The following TAF1 variants were observed in gnomAD, a reference collection of about 807,000 sequenced individuals.
TAF1 encodes TATA-box binding protein associated factor 1.
Under a neutral mutation model 138.5 loss-of-function variants are expected in TAF1, and 2 were observed. That is an observed-to-expected ratio of 0.01 (90% CI 0.01 to 0.05). TAF1 has a LOEUF of 0.05. Among genes scored for constraint, TAF1 ranks in the 10% least tolerant of loss-of-function variants. The pLI, the probability that TAF1 is intolerant of heterozygous loss-of-function variation, is 1.00. For missense variants in TAF1, 709 were observed against 1,478.0 expected, an observed-to-expected ratio of 0.48 and a Z score of 8.53; for synonymous variants, 437 against 503.2, an observed-to-expected ratio of 0.87 and a Z score of 1.76.
At chrX:71,381,379 C>G (rs2033881806) in intron 8 of TAF1, among the ~76,000 whole-genome samples, 1 of 112,082 alleles carries the variant, frequency 8.9e-6, no homozygotes, top group East Asian at 2.8e-4. Flanking sequence ...ATTCTCCTGC[C>G]TCAGCCTCCT....
intron 13 of TAF1, among the ~76,000 whole-genome samples, chrX:71,495,118 G>A (rs1730672176): frequency 8.9e-6 from 1 of 111,915 alleles, no homozygotes; most frequent in African/African-American, 3.2e-5. Flanking sequence ...CCCAACTGCT[G>A]TTGGGAATTG....
rs1262532027 is a variant in TAF1, at chrX:71,464,531, C to T, written c.*485C>T. On this transcript the variant is annotated 3_prime_UTR_variant, in exon 38 of 38. Transcript: ENST00000423759. ...ACCAGCTTGGCCAACATGGCGAAAC[C>T]GCATCTCTACTAAAAATACAAAAAT... is the stretch of plus-strand genomic sequence containing the variant. 3 of 266,178 alleles carry T rather than the reference C, an allele frequency of 1.1e-5. No homozygotes were observed. The highest frequency in any genetic ancestry group is 5.5e-5 in the East Asian group (1 of 18,172). The allele number at this position is 266,178 out of a possible 1,213,427, so 21.9% of individuals were successfully genotyped here.
intron 13 of TAF1, among the ~76,000 whole-genome samples, chrX:71,506,067 G>A (rs1238842038): frequency 9.5e-6 from 1 of 105,284 alleles, no homozygotes; most frequent in Non-Finnish European, 2.0e-5. Context: ...AAGCATGGTG[G>A]TGTGTGCCTG....
intron 32 of TAF1, among the ~76,000 whole-genome samples, chrX:71,448,447 A>G (rs1360239598): frequency 3.6e-5 from 4 of 112,202 alleles, no homozygotes; most frequent in African/African-American, 1.3e-4. Context: ...TCAAAAATGT[A>G]TATTACATAC....
intron 2 of TAF1, 31 bp from the exon 3 acceptor site, chrX:71,368,023 G>A (rs769291782): frequency 1.7e-6 from 2 of 1,181,606 alleles, no homozygotes; most frequent in African/African-American, 3.5e-5. Flanking sequence ...GTCGCTTACT[G>A]TTGTTGCGAT....
At chrX:71,388,709 C>T (rs371071888) in intron 16 of TAF1, 29 bp from the exon 17 acceptor site, 4 of 1,209,246 alleles carry the variant, frequency 3.3e-6, no homozygotes, top group African/African-American at 1.7e-5. Flanking sequence ...TCAGAATGGT[C>T]TCATTCTCTA....
At position 71,463,813 on chromosome X, in the gene TAF1, T is replaced by A. The variant is rs1447416407; in HGVS notation, c.5400-11T>A. Reference sequence around the variant, plus strand: ...GTCCGAGCTTGAGAGATGACATGTTTCTCTTCTCAGTTATGGGAGCTATGA... The same window carrying A: ...GTCCGAGCTTGAGAGATGACATGTTACTCTTCTCAGTTATGGGAGCTATGA... On this transcript the variant is annotated splice_polypyrimidine_tract_variant and intron_variant, in intron 37 of 37. Transcript: ENST00000423759. 1 of 1,205,587 alleles carries A rather than the reference T, an allele frequency of 8.3e-7. No individual in the cohort carries two copies. The highest frequency in any genetic ancestry group is 1.8e-5 in the African/African-American group (1 of 57,018).
rs187708110 is a variant in TAF1 at position 71,400,676 on chromosome X, A to C, written c.3787-852A>C. ...ATAGGTCTGTGACCTTAACCTCTCC[A>C]AACTTGTTTTCTCTAATATCAAATG... On this transcript the variant is annotated intron_variant, in intron 24 of 37. Transcript: ENST00000423759. Among the ~76,000 whole-genome samples, 353 of 111,980 alleles carry C rather than the reference A, an allele frequency of 3.2e-3. 1 individual carries two copies. The highest frequency in any genetic ancestry group is 5.0e-3 in the Non-Finnish European group (264 of 53,214).
At chrX:71,413,784 C>T (rs373634589) in intron 28 of TAF1, 2 of 111,316 alleles carry the variant, frequency 1.8e-5, no homozygotes, top group South Asian at 7.5e-4. Context: ...TCTTCACTTC[C>T]CCATACTCAT....
chrX:71,528,244 T>G (rs1602125110), intron 13 of TAF1: 1 of 241,057 alleles, frequency 4.1e-6, no homozygotes, highest in East Asian at 1.2e-4. Flanking sequence ...TGCCTGTCAG[T>G]GTATGATTGC....
intron 22 of TAF1, among the ~76,000 whole-genome samples, chrX:71,397,028 CAAAAAAAA>C (rs745812030): frequency 0.033 from 992 of 30,167 alleles, 19 homozygotes; most frequent in African/African-American, 0.11. Context: ...GATCCTGTCT[CAAAAAAAA>C]AAAAAAAAAA....
intron 21 of TAF1, 113 bp downstream of exon 21, chrX:71,393,589 A>T: frequency 1.0e-6 from 1 of 954,044 alleles, no homozygotes; most frequent in Non-Finnish European, 1.4e-6. Context: ...AGGTAGTCAG[A>T]TATCTGACAT....
At chrX:71,472,717 T>C (rs1218012731) in intron 13 of TAF1, among the ~76,000 whole-genome samples, 4 of 111,452 alleles carry the variant, frequency 3.6e-5, no homozygotes, top group Non-Finnish European at 7.5e-5. Context: ...TGGGCGACAG[T>C]GAGACTGCAT....
At chrX:71,479,984 G>A (rs994930484) in intron 13 of TAF1, among the ~76,000 whole-genome samples, 3 of 111,645 alleles carry the variant, frequency 2.7e-5, no homozygotes, top group African/African-American at 9.8e-5. Flanking sequence ...CAGCACTTTG[G>A]GAGGCCCAGG....
At chrX:71,454,982 C>T in intron 34 of TAF1, 125 bp downstream of exon 34, 6 of 1,168,461 alleles carry the variant, frequency 5.1e-6, no homozygotes, top group Non-Finnish European at 6.9e-6. Context: ...ATATGCCTTT[C>T]GTGTGCTTTC....
At chrX:71,444,723 T>C (rs915318756) in intron 32 of TAF1, among the ~76,000 whole-genome samples, 10 of 110,169 alleles carry the variant, frequency 9.1e-5, no homozygotes, top group Non-Finnish European at 7.6e-5. Context: ...TCCCCAGGTG[T>C]GGCCAGTGTT....
At chrX:71,427,625 C>A (rs1056621152) in intron 32 of TAF1, among the ~76,000 whole-genome samples, 1 of 111,758 alleles carries the variant, frequency 8.9e-6, no homozygotes, top group Non-Finnish European at 1.9e-5. Context: ...AATAAATATT[C>A]TGTTGCACTA....
At chrX:71,494,793 T>A (rs1602844618) in intron 13 of TAF1, among the ~76,000 whole-genome samples, 2 of 112,211 alleles carry the variant, frequency 1.8e-5, no homozygotes, top group South Asian at 7.3e-4. Context: ...CAAGATTTAT[T>A]GTGAAGAGTG....
chrX:71,402,532 C>T (rs1438280252), intron 25 of TAF1, among the ~76,000 whole-genome samples: 1 of 112,293 alleles, frequency 8.9e-6, no homozygotes, highest in East Asian at 2.8e-4. Flanking sequence ...AGCCATCACT[C>T]CCGGCCTCGT....
Sources: gnomAD v4.1 joint callset for allele counts (sites outside exome capture counted in the v4.1 genomes callset) on GRCh38, gnomAD v4.1.1 for gene constraint, MANE v1.5 for transcripts, NCBI Gene and HGNC (gene_info 2026-07-23, HGNC 2026-07-21) for gene names.